CAMSAP2: variants seen among roughly 807,000 people sequenced by gnomAD.
CAMSAP2 encodes calmodulin regulated spectrin associated protein family member 2, also known as calmodulin-regulated spectrin-associated protein 2.
A neutral mutation model predicts 146.1 loss-of-function variants in CAMSAP2; 26 were observed. The observed-to-expected ratio is 0.18, with a 90% confidence interval of 0.13 to 0.25. The LOEUF (loss-of-function observed/expected upper bound fraction) is 0.25, where lower values mean the gene tolerates loss of function less well. Ranked by LOEUF, CAMSAP2 falls within the 10% of genes least tolerant of loss-of-function variation. The pLI, the probability that CAMSAP2 is intolerant of heterozygous loss-of-function variation, is 1.00. For missense variants in CAMSAP2, 1,381 were observed against 1,759.3 expected (o/e 0.78, Z 3.85); for synonymous variants, 499 against 596.6 (o/e 0.84, Z 2.38).
At chr1:200,781,684 G>C (rs1161845504) in intron 2 of CAMSAP2, among the ~76,000 whole-genome samples, 1 of 152,128 alleles carries the variant, frequency 6.6e-6, no homozygotes, top group Admixed American at 6.5e-5. Context: ...TGGGATTACA[G>C]GGATGCTCAC....
chr1:200,789,113 G>GT (rs1286969708), intron 2 of CAMSAP2, among the ~76,000 whole-genome samples: 2 of 151,984 alleles, frequency 1.3e-5, no homozygotes, highest in Admixed American at 1.3e-4. Flanking sequence ...TTTTGCAATT[G>GT]TTTTCTCCCA....
intron 10 of CAMSAP2, 125 bp downstream of exon 10, chr1:200,847,834 C>T (rs1044354787): frequency 1.1e-6 from 1 of 935,342 alleles, no homozygotes; most frequent in Non-Finnish European, 1.6e-6. Flanking sequence ...TTGAAAAAGG[C>T]AGTATAGGCA....
At chr1:200,816,712 A>G (rs1003153215) in intron 4 of CAMSAP2, among the ~76,000 whole-genome samples, 3 of 112,250 alleles carry the variant, frequency 2.7e-5, no homozygotes, top group East Asian at 2.5e-4. Flanking sequence ...ATGTGTATAT[A>G]TACACACGCA....
chr1:200,746,704 C>T (rs904343748), intron 1 of CAMSAP2, among the ~76,000 whole-genome samples: 2 of 151,350 alleles, frequency 1.3e-5, no homozygotes, highest in African/African-American at 2.4e-5. Context: ...CTGCAAGCTC[C>T]GCCTCCCGGG....
At chr1:200,847,855 A>T (rs1667501074) in intron 10 of CAMSAP2, 146 bp downstream of exon 10, 1 of 858,756 alleles carries the variant, frequency 1.2e-6, no homozygotes, top group African/African-American at 1.7e-5. Flanking sequence ...GATGATAGAG[A>T]TGTAAAAGAG....
chr1:200,829,741 A>T (rs773345229), intron 4 of CAMSAP2, among the ~76,000 whole-genome samples: 1 of 152,168 alleles, frequency 6.6e-6, no homozygotes, highest in Non-Finnish European at 1.5e-5. Context: ...AGCCTGGGCA[A>T]CTTGGCAAAA....
chr1:200,825,741 C>G (rs539418513), intron 4 of CAMSAP2, among the ~76,000 whole-genome samples: 1 of 152,044 alleles, frequency 6.6e-6, no homozygotes, highest in Non-Finnish European at 1.5e-5. Context: ...CTCCTGACCT[C>G]GTGATCTACC....
At chr1:200,817,004 ACC>A (rs1666574482) in intron 4 of CAMSAP2, among the ~76,000 whole-genome samples, 1 of 138,176 alleles carries the variant, frequency 7.2e-6, no homozygotes. Context: ...ATATATGTGT[ACC>A]CACATACACA....
intron 1 of CAMSAP2, among the ~76,000 whole-genome samples, chr1:200,740,832 A>G (rs1389370777): frequency 6.6e-6 from 1 of 152,160 alleles, no homozygotes; most frequent in Non-Finnish European, 1.5e-5. Context: ...CATGTTGTGA[A>G]ATGTTAAAAA....
chr1:200,753,451 C>T (rs1478424723), intron 1 of CAMSAP2, among the ~76,000 whole-genome samples: 1 of 152,128 alleles, frequency 6.6e-6, no homozygotes, highest in Non-Finnish European at 1.5e-5. Context: ...CTGGGTGCCT[C>T]CTTCTTTGTG....
At position 200,816,636 on chromosome 1, in the gene CAMSAP2, A is replaced by G. The variant is rs1183206600; in HGVS notation, c.645+992A>G. On this transcript the variant is annotated intron_variant, in intron 4 of 16. Transcript: ENST00000358823. ...TATATATATATATATGTATATATAT[A>G]CACACACATATATATGCACACACAT... Among the ~76,000 whole-genome samples, 7 of 144,204 alleles carry G rather than the reference A, an allele frequency of 4.9e-5. No homozygotes were observed. The East Asian group carries it at 1.2e-3, about 25-fold the overall frequency. The allele number at this position is 144,204 out of a possible 152,430, so 94.6% of individuals were successfully genotyped here. A position where few individuals can be genotyped will look rare whatever the true frequency, so the allele number is the denominator to read the frequency against.
intron 4 of CAMSAP2, among the ~76,000 whole-genome samples, chr1:200,816,601 A>AT (rs1666494142): frequency 9.0e-6 from 1 of 110,814 alleles, no homozygotes; most frequent in East Asian, 2.7e-4. Flanking sequence ...TCTCAAAAAA[A>AT]AAAAATATAT....
intron 2 of CAMSAP2, among the ~76,000 whole-genome samples, chr1:200,794,277 C>T (rs1353179867): frequency 1.3e-5 from 2 of 152,178 alleles, no homozygotes; most frequent in Non-Finnish European, 2.9e-5. Flanking sequence ...TGAGCAGACC[C>T]ACTTTATACA....
chr1:200,784,186 T>A (rs1665522023), intron 2 of CAMSAP2, among the ~76,000 whole-genome samples: 1 of 152,208 alleles, frequency 6.6e-6, no homozygotes, highest in Non-Finnish European at 1.5e-5. Context: ...TGTAGCTTCA[T>A]AATAAGTCTT....
rs765301155 is a variant in CAMSAP2 at position 200,858,104 on chromosome 1, C to T, written c.*45C>T. On this transcript the variant is annotated 3_prime_UTR_variant, in exon 17 of 17. Transcript: ENST00000358823. ...TCAGAACATTCATGGTAAATTTGCA[C>T]TTCATCTTTCCTGCCTATAGAAAAT... 6.8e-7 allele frequency: 1 copy of T among 1,463,352 alleles called. No homozygotes were observed. Among genetic ancestry groups the T allele is most frequent in the South Asian group, 1.4e-5 (1 of 70,388 alleles). The allele number at this position is 1,463,352 out of a possible 1,614,324, so 90.6% of individuals were successfully genotyped here.
In CAMSAP2 at chr1:200,848,982, A is replaced by G; in HGVS notation, c.2213A>G (p.Gln738Arg). 1.2e-6 allele frequency: 2 copies of G among 1,614,194 alleles called. No homozygotes were observed. Among genetic ancestry groups the G allele is most frequent in the Non-Finnish European group, 1.7e-6 (2 of 1,180,014 alleles). The change falls in exon 11 of 17, where the codon CAG becomes CGG. Residue 738 changes from glutamine (Q) to arginine (R), a missense_variant. By Grantham distance (43) the Gln-to-Arg change is conservative. Transcript: ENST00000358823. Reference sequence around the variant, plus strand: ...ATTCCAGAAGAAACAGGGCTTCCACAGGGACGGGACACTACCCAGCTGTTG... The same window carrying G: ...ATTCCAGAAGAAACAGGGCTTCCACGGGGACGGGACACTACCCAGCTGTTG... ...AQIPEETGLP[Q>R]GRDTTQLLAS... is the part of the protein sequence containing the mutation.
At chr1:200,841,567 C>G (rs1667324426) in intron 6 of CAMSAP2, among the ~76,000 whole-genome samples, 1 of 152,076 alleles carries the variant, frequency 6.6e-6, no homozygotes, top group Non-Finnish European at 1.5e-5. Flanking sequence ...TTTTTTAACA[C>G]TACATCCAGT....
chr1:200,841,134 T>C (rs1237794122), intron 6 of CAMSAP2, among the ~76,000 whole-genome samples: 1 of 152,244 alleles, frequency 6.6e-6, no homozygotes, highest in East Asian at 1.9e-4. Flanking sequence ...ACATTCATTG[T>C]ATAAATAATG....
chr1:200,821,193 T>C (rs74934319), intron 4 of CAMSAP2, among the ~76,000 whole-genome samples: 2 of 151,492 alleles, frequency 1.3e-5, no homozygotes, highest in South Asian at 2.1e-4. Context: ...TTTTTTTTTT[T>C]CCTTTTGGAG....
Sources: allele counts gnomAD v4.1 joint callset (sites outside exome capture counted in the v4.1 genomes callset), GRCh38; gene constraint gnomAD v4.1.1; transcripts MANE v1.5; gene names NCBI Gene and HGNC (gene_info 2026-07-23, HGNC 2026-07-21).